The following TANC1 variants were observed in gnomAD, a reference collection of about 807,000 sequenced individuals.
The protein encoded by TANC1 is tetratricopeptide repeat, ankyrin repeat and coiled-coil containing 1, also known as protein TANC1.
In TANC1, 77 loss-of-function variants were observed where a neutral mutation model predicts 149.7. That is an observed-to-expected ratio of 0.51 (90% CI 0.43 to 0.62). The LOEUF (loss-of-function observed/expected upper bound fraction) is 0.62, where lower values mean the gene tolerates loss of function less well. TANC1 is among the 20% of genes least tolerant of loss of function. The pLI, the probability that TANC1 is intolerant of heterozygous loss-of-function variation, is 0.00. For synonymous variants in TANC1, 854 were observed against 925.0 expected, an observed-to-expected ratio of 0.92 and a Z score of 1.39; for missense variants, 1,985 against 2,321.8, an observed-to-expected ratio of 0.85 and a Z score of 2.98.
intron 1 of TANC1, among the ~76,000 whole-genome samples, chr2:158,975,372 A>G (rs2149183184): frequency 6.6e-6 from 1 of 152,236 alleles, no homozygotes; most frequent in Middle Eastern, 3.4e-3. Flanking sequence ...CTTAAGGGTA[A>G]GGTGGATGCG....
intron 4 of TANC1, among the ~76,000 whole-genome samples, chr2:159,116,468 C>A (rs370723354): frequency 8.4e-4 from 120 of 142,480 alleles, no homozygotes; most frequent in Non-Finnish European, 1.5e-3. Context: ...AAAAAAAAAA[C>A]AAAGGACCTG....
intron 4 of TANC1, among the ~76,000 whole-genome samples, chr2:159,099,115 T>A (rs1344301938): frequency 6.6e-6 from 1 of 152,246 alleles, no homozygotes; most frequent in Non-Finnish European, 1.5e-5. Flanking sequence ...GAAACGGTGC[T>A]ATGAATTTGT....
intron 16 of TANC1, among the ~76,000 whole-genome samples, chr2:159,193,810 C>T (rs146411796): frequency 0.034 from 5,138 of 152,184 alleles, 118 homozygotes; most frequent in African/African-American, 0.065. Flanking sequence ...CGTGAGCCAC[C>T]GCACCTGGCC....
chr2:159,160,084 A>G (rs2053890868), intron 7 of TANC1, among the ~76,000 whole-genome samples: 2 of 152,218 alleles, frequency 1.3e-5, no homozygotes, highest in Admixed American at 6.5e-5. Context: ...AACGGAATGT[A>G]ACACTAAATT....
At chr2:159,095,076 G>A (rs1453137947) in intron 3 of TANC1, among the ~76,000 whole-genome samples, 4 of 151,846 alleles carry the variant, frequency 2.6e-5, no homozygotes, top group African/African-American at 7.3e-5. Flanking sequence ...CTCCCAAGTA[G>A]CTGGGATTAC....
intron 2 of TANC1, among the ~76,000 whole-genome samples, chr2:159,065,423 C>A (rs2042576420): frequency 6.6e-6 from 1 of 152,214 alleles, no homozygotes; most frequent in African/African-American, 2.4e-5. Flanking sequence ...CATTTCATAA[C>A]CTTCCAAAAT....
intron 3 of TANC1, among the ~76,000 whole-genome samples, chr2:159,082,875 T>A (rs1204773606): frequency 6.6e-6 from 1 of 152,186 alleles, no homozygotes; most frequent in African/African-American, 2.4e-5. Context: ...ACCTAGGCCC[T>A]TGTGACTCAA....
At chr2:159,188,419 C>T (rs550436385) in intron 16 of TANC1, among the ~76,000 whole-genome samples, 30 of 152,356 alleles carry the variant, frequency 2.0e-4, no homozygotes, top group Non-Finnish European at 3.1e-4. Flanking sequence ...CTCCTGTGGC[C>T]AGGCCAGGAT....
At chr2:159,194,130 C>T (rs1039382080) in intron 16 of TANC1, 127 bp from the exon 17 acceptor site, 3 of 732,296 alleles carry the variant, frequency 4.1e-6, no homozygotes, top group African/African-American at 3.5e-5. Flanking sequence ...CCAGGTGATA[C>T]TGGTGCACAT....
At chr2:159,016,287 T>C (rs1389022475) in intron 2 of TANC1, among the ~76,000 whole-genome samples, 4 of 152,182 alleles carry the variant, frequency 2.6e-5, no homozygotes, top group Non-Finnish European at 5.9e-5. Context: ...ATGAGACTTA[T>C]TCACTACCAC....
Position 159,230,291 on chromosome 2 carries a change from G to A in TANC1, c.4865G>A (p.Ser1622Asn), listed in dbSNP as rs1660153417. ...GENGPAHPLP[S>N]KTKTTERLLS... Reference sequence around the variant, plus strand: ...AATGGCCCTGCACACCCTTTACCAAGTAAGACGAAAACCACAGAGAGGCTT... The same window carrying A: ...AATGGCCCTGCACACCCTTTACCAAATAAGACGAAAACCACAGAGAGGCTT... The change falls in exon 27 of 27, where the codon AGT (serine) becomes AAT (asparagine). Residue 1622 changes from serine (S) to asparagine (N), a missense_variant. Coordinates refer to ENST00000263635, the MANE Select transcript of TANC1 (RefSeq NM_033394.3). This position sits in a 1 kb window ranked among gnomAD's most constrained non-coding sequence, Gnocchi z 4.4. The A allele has an allele frequency of 6.2e-7, 1 of 1,614,130 alleles. No homozygotes were observed. The highest frequency in any genetic ancestry group is 1.1e-5 in the South Asian group (1 of 91,086).
At chr2:159,228,066 G>T in intron 25 of TANC1, 101 bp downstream of exon 25, 1 of 1,334,862 alleles carries the variant, frequency 7.5e-7, no homozygotes, top group Non-Finnish European at 1.0e-6. Context: ...GGGCCCTCCT[G>T]TCCAATTTGC....
At chr2:159,189,692 G>A (rs996414399) in intron 16 of TANC1, among the ~76,000 whole-genome samples, 33 of 152,216 alleles carry the variant, frequency 2.2e-4, no homozygotes, top group African/African-American at 6.0e-4. Flanking sequence ...CTGGAAGGGC[G>A]CCTGACACTC....
chr2:159,025,088 G>C (rs1026538237), intron 2 of TANC1, among the ~76,000 whole-genome samples: 4 of 152,132 alleles, frequency 2.6e-5, no homozygotes, highest in Non-Finnish European at 4.4e-5. Context: ...CTATGGTCAA[G>C]AAAATTAACA....
chr2:159,046,793 G>A (rs947382405), intron 2 of TANC1, among the ~76,000 whole-genome samples: 11 of 151,012 alleles, frequency 7.3e-5, no homozygotes, highest in African/African-American at 1.7e-4. Context: ...TTGTGGAGAC[G>A]GGTTTTCACC....
intron 3 of TANC1, among the ~76,000 whole-genome samples, chr2:159,097,436 A>C (rs1227687185): frequency 6.6e-6 from 1 of 152,188 alleles, no homozygotes; most frequent in African/African-American, 2.4e-5. Flanking sequence ...AGGCACATGG[A>C]GCAGAGTTCA....
At chr2:159,203,530 A>T (rs1285897328) in intron 19 of TANC1, among the ~76,000 whole-genome samples, 1 of 151,830 alleles carries the variant, frequency 6.6e-6, no homozygotes, top group Non-Finnish European at 1.5e-5. Flanking sequence ...GATGTGGCTT[A>T]TTTGATAGGA....
At position 159,230,612 on chromosome 2, in the gene TANC1, A is replaced by C; in HGVS notation, c.5186A>C (p.Lys1729Thr). ...RNTPFMGIMD[K>T]TARFQQQSNP... is the part of the protein sequence containing the mutation. ...ACGCCGTTCATGGGCATCATGGATA[A>C]GACTGCGAGGTTCCAACAGCAGAGC... is the stretch of plus-strand genomic sequence containing the variant. Residue 1729 changes from lysine to threonine, a missense_variant, in exon 27 of 27, where the codon AAG (lysine) becomes ACG (threonine). By Grantham distance (78) the Lys-to-Thr change is moderately conservative. Transcript: ENST00000263635. This position sits in a 1 kb window ranked among gnomAD's most constrained non-coding sequence, Gnocchi z 4.4. The C allele has an allele frequency of 6.2e-7, 1 of 1,614,226 alleles. No individual in the cohort carries two copies. The highest frequency in any genetic ancestry group is 8.5e-7 in the Non-Finnish European group (1 of 1,180,040).
At chr2:159,113,525 G>C (rs1436363888) in intron 4 of TANC1, among the ~76,000 whole-genome samples, 1 of 152,218 alleles carries the variant, frequency 6.6e-6, no homozygotes, top group Non-Finnish European at 1.5e-5. Flanking sequence ...CCTAGAATAT[G>C]TTGGAAGAAT....
Sources: allele counts gnomAD v4.1 joint callset (sites outside exome capture counted in the v4.1 genomes callset), GRCh38; gene constraint gnomAD v4.1.1; non-coding constraint Gnocchi (gnomAD v3.1); transcripts MANE v1.5; gene names NCBI Gene and HGNC (gene_info 2026-07-23, HGNC 2026-07-21).